Variants in DAB2IP observed in about 807,000 individuals in gnomAD.
DAB2IP encodes DAB2 interacting protein.
A neutral mutation model predicts 107.2 loss-of-function variants in DAB2IP; 28 were observed. The observed-to-expected ratio is 0.26, with a 90% confidence interval of 0.19 to 0.36. The LOEUF (loss-of-function observed/expected upper bound fraction) is 0.36. Among genes scored for constraint, DAB2IP ranks in the 10% least tolerant of loss-of-function variants. The pLI is 1.00. For missense variants in DAB2IP, 1,400 were observed against 1,644.7 expected, an observed-to-expected ratio of 0.85 and a Z score of 2.57; for synonymous variants, 755 against 706.4, an observed-to-expected ratio of 1.07 and a Z score of -1.09.
intron 1 of DAB2IP, among the ~76,000 whole-genome samples, chr9:121,582,878 T>C (rs1285231904): frequency 2.0e-5 from 3 of 152,232 alleles, no homozygotes; most frequent in Non-Finnish European, 2.9e-5. Flanking sequence ...GAATGAGTTC[T>C]TAGTGCAATG....
intron 4 of DAB2IP, among the ~76,000 whole-genome samples, chr9:121,757,951 TG>T (rs1331516007): frequency 6.6e-6 from 1 of 152,176 alleles, no homozygotes; most frequent in Non-Finnish European, 1.5e-5. Flanking sequence ...CCCCCAGCCC[TG>T]GGGAAAAAAC....
intron 13 of DAB2IP, among the ~76,000 whole-genome samples, chr9:121,775,979 T>C (rs1181709651): frequency 6.6e-6 from 1 of 152,142 alleles, no homozygotes; most frequent in Non-Finnish European, 1.5e-5. Context: ...GGCTGGGAGT[T>C]TGGAGTGGAG....
At chr9:121,733,665 C>G (rs73664516) in intron 3 of DAB2IP, among the ~76,000 whole-genome samples, 1,620 of 152,272 alleles carry the variant, frequency 0.011, 37 homozygotes, top group African/African-American at 0.038. Flanking sequence ...GGAATTCAGG[C>G]AGAGAAAGGG....
chr9:121,686,467 C>A (rs962780849), intron 2 of DAB2IP, among the ~76,000 whole-genome samples: 1 of 152,146 alleles, frequency 6.6e-6, no homozygotes, highest in Admixed American at 6.5e-5. Context: ...GAACTGGTTC[C>A]CGTTAAGGTG....
At chr9:121,645,441 T>C (rs1340327214) in intron 1 of DAB2IP, among the ~76,000 whole-genome samples, 2 of 151,908 alleles carry the variant, frequency 1.3e-5, no homozygotes, top group Non-Finnish European at 2.9e-5. Context: ...CTGGGAGAGG[T>C]GGTCCAGGCT....
At chr9:121,761,476 G>C (rs1420818105) in intron 6 of DAB2IP, among the ~76,000 whole-genome samples, 2 of 152,226 alleles carry the variant, frequency 1.3e-5, no homozygotes, top group Non-Finnish European at 2.9e-5. Context: ...CCCCAGGGCA[G>C]AGTCCAGGGC....
At chr9:121,627,392 T>G (rs180810878) in intron 1 of DAB2IP, among the ~76,000 whole-genome samples, 1 of 151,278 alleles carries the variant, frequency 6.6e-6, no homozygotes, top group Non-Finnish European at 1.5e-5. Context: ...TTTTTTTTTT[T>G]GTATGCTGCT....
At chr9:121,694,272 C>A (rs1829306680) in intron 2 of DAB2IP, among the ~76,000 whole-genome samples, 1 of 152,174 alleles carries the variant, frequency 6.6e-6, no homozygotes, top group Non-Finnish European at 1.5e-5. Flanking sequence ...AGCTCTGCCA[C>A]TTTCAGCAGG....
chr9:121,699,208 C>T lies in DAB2IP; in HGVS notation c.229-117C>T. ...GAGCTGCTGGGGCCGAGCCCGAGCC[C>T]GGCCCGCCCTCGGCCGCGCGGCCGC... On this transcript the variant is annotated intron_variant, in intron 2 of 15. Coordinates refer to ENST00000408936, the Ensembl canonical transcript of DAB2IP. This position sits in a 1 kb window ranked among gnomAD's most constrained non-coding sequence, Gnocchi z 6.2. The T allele has an allele frequency of 4.1e-6, 4 of 984,186 alleles. No individual in the cohort carries two copies. Among genetic ancestry groups the T allele is most frequent in the South Asian group, 4.6e-5 (1 of 21,768 alleles). 61.0% of individuals were successfully genotyped at this position (984,186 alleles called of 1,614,324 possible).
exon 1 of DAB2IP, chr9:121,567,097 C>T: frequency 6.4e-7 from 1 of 1,551,800 alleles, no homozygotes; most frequent in Non-Finnish European, 8.8e-7. Context: ...GAAAAGCCGC[C>T]AGATGGAATA....
rs375810712 is a variant in DAB2IP, at chr9:121,760,205, G to T, written c.936G>T (p.Pro312=). 12 of 1,613,622 alleles carry T rather than the reference G, an allele frequency of 7.4e-6. No individual in the cohort carries two copies. The South Asian group carries it at 9.9e-5, about 13-fold the overall frequency. ...GGCAGTTCGTGGAGAAGTGGTACCC[G>T]GTGGTGACGCCCAACCCCAAGGGCG... Residue 312 remains proline (P), a synonymous_variant, in exon 6 of 16, where the codon CCG becomes CCT. Coordinates refer to ENST00000408936, the Ensembl canonical transcript of DAB2IP. This position sits in a 1 kb window ranked among gnomAD's most constrained non-coding sequence, Gnocchi z 5.9.
intron 1 of DAB2IP, among the ~76,000 whole-genome samples, chr9:121,600,153 G>T (rs73544285): frequency 0.014 from 2,156 of 152,180 alleles, 52 homozygotes; most frequent in African/African-American, 0.049. Context: ...GGCTTCCAGC[G>T]GTCTCCCAAA....
intron 2 of DAB2IP, among the ~76,000 whole-genome samples, chr9:121,682,218 A>G (rs1828636842): frequency 6.6e-6 from 1 of 152,146 alleles, no homozygotes; most frequent in Non-Finnish European, 1.5e-5. Flanking sequence ...TGCTCAGCTG[A>G]CTTTTGCTCT....
chr9:121,647,487 C>T (rs74971632), upstream of DAB2IP, among the ~76,000 whole-genome samples: 31,330 of 152,146 alleles, frequency 0.21, 4,010 homozygotes, highest in South Asian at 0.39. Flanking sequence ...CCCACCCTGG[C>T]CTGGCCCATG....
intron 1 of DAB2IP, among the ~76,000 whole-genome samples, chr9:121,655,302 C>T (rs1354811240): frequency 6.6e-6 from 1 of 152,212 alleles, no homozygotes; most frequent in Non-Finnish European, 1.5e-5. Context: ...CCCACCTAGT[C>T]ACACCAAAAT....
rs532334527 is a variant in DAB2IP, at chr9:121,702,967, A to G, written c.362+3509A>G. Among the ~76,000 whole-genome samples the G allele has an allele frequency of 6.2e-4, 95 of 152,308 alleles. No homozygotes were observed. The highest frequency in any genetic ancestry group is 1.1e-3 in the Non-Finnish European group (77 of 68,026). ...TCCCAGTCATCCTGGTGCGGAGCTT[A>G]GCTCATAAATGCAGGCAGCTCTGGG... On this transcript the variant is annotated intron_variant, in intron 3 of 15. Coordinates refer to ENST00000408936, the Ensembl canonical transcript of DAB2IP. This position sits in a 1 kb window ranked among gnomAD's most constrained non-coding sequence, Gnocchi z 4.5.
At chr9:121,649,656 G>A (rs551134751), upstream of DAB2IP, among the ~76,000 whole-genome samples, 26 of 152,312 alleles carry the variant, frequency 1.7e-4, no homozygotes, top group African/African-American at 5.3e-4. Context: ...ACCTGGCTAC[G>A]GAGGTTAGTC....
upstream of DAB2IP, among the ~76,000 whole-genome samples, chr9:121,647,884 T>A (rs1185589110): frequency 3.3e-5 from 5 of 150,564 alleles, no homozygotes; most frequent in Non-Finnish European, 1.5e-5. Context: ...TATATACGGG[T>A]ATATATGTAT....
At chr9:121,759,297 G>A (rs575493754) in intron 5 of DAB2IP, among the ~76,000 whole-genome samples, 58 of 152,288 alleles carry the variant, frequency 3.8e-4, no homozygotes, top group Non-Finnish European at 7.5e-4. Context: ...CCAGCCCCTG[G>A]CTGAGTTCTG....
Sources: gnomAD v4.1 joint callset for allele counts (sites outside exome capture counted in the v4.1 genomes callset) on GRCh38, gnomAD v4.1.1 for gene constraint, Gnocchi (gnomAD v3.1) non-coding constraint, MANE v1.5 for transcripts, NCBI Gene and HGNC (gene_info 2026-07-23, HGNC 2026-07-21) for gene names.